Variants in PTPRD observed in about 807,000 individuals in gnomAD.
PTPRD encodes the protein receptor-type tyrosine-protein phosphatase delta.
PTPRD carries 34 observed loss-of-function variants against 214.5 expected under a neutral mutation model. The observed-to-expected ratio is 0.16, with a 90% CI of 0.12 to 0.21. The LOEUF is 0.21. PTPRD is among the 10% of genes least tolerant of loss of function. The probability of loss-of-function intolerance (pLI) is 1.00; values close to 1 mark genes in which losing one functional copy is unlikely to be tolerated. For synonymous variants in PTPRD, 1,128 were observed against 845.7 expected (o/e 1.33, Z -5.79); for missense variants, 2,545 against 2,398.7 (o/e 1.06, Z -1.27).
At chr9:10,097,550 G>T (rs957985716) in intron 3 of PTPRD, among the ~76,000 whole-genome samples, 3 of 151,428 alleles carry the variant, frequency 2.0e-5, no homozygotes, top group Non-Finnish European at 4.4e-5. Flanking sequence ...GTCTGTTATT[G>T]GTGTATAAGA....
intron 8 of PTPRD, among the ~76,000 whole-genome samples, chr9:9,460,579 C>T (rs1474215045): frequency 1.3e-5 from 2 of 152,002 alleles, no homozygotes; most frequent in East Asian, 3.9e-4. Context: ...ATAAAAAATG[C>T]TTAACAATAA....
chr9:9,843,223 C>G (rs2058740424), intron 5 of PTPRD, among the ~76,000 whole-genome samples: 1 of 152,000 alleles, frequency 6.6e-6, no homozygotes, highest in Non-Finnish European at 1.5e-5. Context: ...GACAAGAATT[C>G]AGGTCAAAGT....
chr9:8,377,723 C>A (rs2083681103), intron 37 of PTPRD, among the ~76,000 whole-genome samples: 1 of 151,862 alleles, frequency 6.6e-6, no homozygotes, highest in Non-Finnish European at 1.5e-5. Flanking sequence ...TGAAAAAGAA[C>A]AGAAAATCAC....
intron 2 of PTPRD, among the ~76,000 whole-genome samples, chr9:10,341,642 G>A (rs2096941372): frequency 6.6e-6 from 1 of 151,936 alleles, no homozygotes; most frequent in Non-Finnish European, 1.5e-5. Flanking sequence ...GAAACATGTG[G>A]CTTTAGAGTT....
intron 7 of PTPRD, among the ~76,000 whole-genome samples, chr9:9,729,641 T>C (rs535396845): frequency 6.6e-6 from 1 of 152,220 alleles, no homozygotes; most frequent in South Asian, 2.1e-4. Flanking sequence ...TTTTTAAAAA[T>C]GATAAATAAA....
intron 14 of PTPRD, among the ~76,000 whole-genome samples, chr9:8,533,285 C>A (rs150413979): frequency 1.4e-4 from 21 of 151,916 alleles, no homozygotes; most frequent in African/African-American, 5.1e-4. Context: ...GCTCTTGCTG[C>A]GTGAATTCAA....
Position 8,330,858 on chromosome 9 carries a change from T to TG in PTPRD, c.5534+723_5534+724insC, listed in dbSNP as rs1238885675. On this transcript the variant is annotated intron_variant, in intron 44 of 45. Coordinates refer to ENST00000381196, the MANE Select transcript of PTPRD (RefSeq NM_002839.4). ...ATAAACTCTCTCAAGAGTTTCACCA[T>TG]AAAAAGATTAGATGTCAAGTTGCCA... Among the ~76,000 whole-genome samples, 1,262 of 152,206 alleles carry TG rather than the reference T, an allele frequency of 8.3e-3. 16 individuals are homozygous for TG. Among genetic ancestry groups the TG allele is most frequent in the African/African-American group, 0.028 (1,147 of 41,532 alleles).
intron 3 of PTPRD, among the ~76,000 whole-genome samples, chr9:10,243,496 G>A (rs1277327147): frequency 5.9e-5 from 9 of 151,850 alleles, no homozygotes; most frequent in Admixed American, 5.9e-4. Flanking sequence ...CGTCATCAAT[G>A]TCCTTCCACC....
At chr9:10,389,551 T>C (rs1221117785) in intron 2 of PTPRD, among the ~76,000 whole-genome samples, 1 of 151,794 alleles carries the variant, frequency 6.6e-6, no homozygotes, top group Non-Finnish European at 1.5e-5. Context: ...AGTATTTTTG[T>C]GAGACAAAAT....
intron 12 of PTPRD, among the ~76,000 whole-genome samples, chr9:8,708,101 C>G (rs1418457094): frequency 6.6e-6 from 1 of 152,190 alleles, no homozygotes; most frequent in Non-Finnish European, 1.5e-5. Flanking sequence ...GGGGAAATCT[C>G]AATCCAACAA....
intron 6 of PTPRD, among the ~76,000 whole-genome samples, chr9:9,746,559 T>C (rs2098460016): frequency 6.6e-6 from 1 of 152,146 alleles, no homozygotes; most frequent in Non-Finnish European, 1.5e-5. Flanking sequence ...TTCACGTAAA[T>C]ATTGTGAGTC....
At chr9:9,204,172 C>G (rs1029294946) in intron 9 of PTPRD, among the ~76,000 whole-genome samples, 18 of 152,272 alleles carry the variant, frequency 1.2e-4, no homozygotes, top group African/African-American at 4.3e-4. Flanking sequence ...TCTAATCCAG[C>G]CTGATACTCT....
At chr9:9,294,085 G>A (rs975851968) in intron 9 of PTPRD, among the ~76,000 whole-genome samples, 1 of 151,648 alleles carries the variant, frequency 6.6e-6, no homozygotes. Flanking sequence ...TGACTAATTG[G>A]AGGGCACTGT....
chr9:8,872,784 C>T (rs2098325050), intron 11 of PTPRD, among the ~76,000 whole-genome samples: 1 of 152,178 alleles, frequency 6.6e-6, no homozygotes, highest in African/African-American at 2.4e-5. Flanking sequence ...TTTTTCAGTA[C>T]AGGAGGCGGC....
intron 11 of PTPRD, among the ~76,000 whole-genome samples, chr9:8,743,809 T>A (rs6477337): frequency 1.5e-5 from 2 of 129,224 alleles, no homozygotes; most frequent in African/African-American, 8.3e-5. Context: ...ATAATAATAA[T>A]AATAATAATA....
chr9:9,075,188 T>A (rs570838830), intron 10 of PTPRD, among the ~76,000 whole-genome samples: 1 of 152,182 alleles, frequency 6.6e-6, no homozygotes, highest in Middle Eastern at 3.4e-3. Flanking sequence ...GGTGTATATA[T>A]TTTTAGGGTA....
At chr9:8,681,058 T>C (rs1316399341) in intron 12 of PTPRD, among the ~76,000 whole-genome samples, 1 of 152,184 alleles carries the variant, frequency 6.6e-6, no homozygotes, top group Non-Finnish European at 1.5e-5. Flanking sequence ...CCTTCACCTA[T>C]CTCCTGACTT....
intron 11 of PTPRD, among the ~76,000 whole-genome samples, chr9:9,003,837 A>G (rs1465530616): frequency 6.6e-6 from 1 of 152,054 alleles, no homozygotes; most frequent in Non-Finnish European, 1.5e-5. Flanking sequence ...GAAAACTCGC[A>G]ATCTGTAAAT....
At chr9:9,939,227 T>C (rs915584803) in intron 4 of PTPRD, among the ~76,000 whole-genome samples, 8 of 152,172 alleles carry the variant, frequency 5.3e-5, no homozygotes, top group African/African-American at 1.9e-4. Context: ...ACGAAAACCA[T>C]AGAGCAGGGC....
Sources: gnomAD v4.1 joint callset for allele counts (sites outside exome capture counted in the v4.1 genomes callset) on GRCh38, gnomAD v4.1.1 for gene constraint, MANE v1.5 for transcripts, NCBI Gene and HGNC (gene_info 2026-07-23, HGNC 2026-07-21) for gene names.